PCDHGA5: variants seen among roughly 807,000 people sequenced by gnomAD.
PCDHGA5 encodes the protein protocadherin gamma subfamily A, 5.
Under a neutral mutation model 56.7 loss-of-function variants are expected in PCDHGA5, and 36 were observed. That is an observed-to-expected ratio of 0.64 (90% CI 0.49 to 0.84). PCDHGA5 has a LOEUF of 0.84. Ranked by LOEUF, PCDHGA5 falls within the 40% of genes least tolerant of loss-of-function variation. The pLI is 0.00. For missense variants in PCDHGA5, 1,305 were observed against 1,201.5 expected, an observed-to-expected ratio of 1.09 and a Z score of -1.27; for synonymous variants, 563 against 520.2, an observed-to-expected ratio of 1.08 and a Z score of -1.12.
chr5:141,392,857 T>TGCTGTGC, intron 1 of PCDHGA5: 1 of 1,612,536 alleles, frequency 6.2e-7, no homozygotes, highest in Non-Finnish European at 8.5e-7. Flanking sequence ...GAGCTGATCC[T>TGCTGTGC]GCTGTGCGCG....
rs758181180 is a variant in PCDHGA5 at position 141,485,483 on chromosome 5, G to T, written c.2422-9324G>T. The T allele has an allele frequency of 1.9e-6, 3 of 1,614,106 alleles. No homozygotes were observed. The highest frequency in any genetic ancestry group is 2.5e-6 in the Non-Finnish European group (3 of 1,180,022). ...GTGTGGGCTCAGTGCCAGCTGCATC[G>T]TGCCCCTGGAGTTTGTCACCGAAGG... On this transcript the variant is annotated intron_variant, in intron 1 of 3. Coordinates refer to ENST00000518069, the MANE Select transcript of PCDHGA5 (RefSeq NM_018918.3). The surrounding 1 kb of genome is among the most constrained non-coding windows in gnomAD (Gnocchi z 5.7).
At position 141,476,294 on chromosome 5, in the gene PCDHGA5, A is replaced by T. The variant is rs376905832; in HGVS notation, c.2422-18513A>T. On this transcript the variant is annotated intron_variant, in intron 1 of 3. Coordinates refer to ENST00000518069, the MANE Select transcript of PCDHGA5 (RefSeq NM_018918.3). The surrounding 1 kb of genome is among the most constrained non-coding windows in gnomAD (Gnocchi z 7.6). ...CGCGAACCTTGGTTTGGATCTCGGT[A>T]GCCTCTCAGCCCGCAGGTTCCGGGT... is the stretch of plus-strand genomic sequence containing the variant. 2 of 1,613,036 alleles carry T rather than the reference A, an allele frequency of 1.2e-6. No homozygotes were observed. The highest frequency in any genetic ancestry group is 1.7e-6 in the Non-Finnish European group (2 of 1,179,642).
At chr5:141,449,450 T>C (rs1269861041) in intron 1 of PCDHGA5, among the ~76,000 whole-genome samples, 2 of 151,216 alleles carry the variant, frequency 1.3e-5, no homozygotes, top group Non-Finnish European at 2.9e-5. Context: ...CTACTAAAAA[T>C]ACAAAAATTA....
At chr5:141,510,862 C>T (rs764422869) in intron 3 of PCDHGA5, 85 bp from the exon 4 acceptor site, 22 of 1,606,772 alleles carry the variant, frequency 1.4e-5, no homozygotes, top group Non-Finnish European at 1.7e-5. Flanking sequence ...GCTGTATAGG[C>T]ATTCATTAAC....
Position 141,431,758 on chromosome 5 carries a change from C to T in PCDHGA5, c.2422-63049C>T. Reference sequence around the variant, plus strand: ...CAGGATATTCTGCGCGAGCCAAAGTCCTGATCACTGTTCTGGACGTGAACG... The same window carrying T: ...CAGGATATTCTGCGCGAGCCAAAGTTCTGATCACTGTTCTGGACGTGAACG... On this transcript the variant is annotated intron_variant, in intron 1 of 3. Transcript: ENST00000518069. This position sits in a 1 kb window ranked among gnomAD's most constrained non-coding sequence, Gnocchi z 4.8. 1.9e-6 allele frequency: 3 copies of T among 1,614,172 alleles called. No homozygotes were observed. The highest frequency in any genetic ancestry group is 1.7e-6 in the Non-Finnish European group (2 of 1,180,020).
At chr5:141,464,091 T>G (rs2099075583) in intron 1 of PCDHGA5, among the ~76,000 whole-genome samples, 1 of 151,812 alleles carries the variant, frequency 6.6e-6, no homozygotes, top group African/African-American at 2.4e-5. Flanking sequence ...ATGGTGAAAC[T>G]CCGTCTCTAC....
intron 2 of PCDHGA5, among the ~76,000 whole-genome samples, chr5:141,505,007 C>T (rs1210694913): frequency 6.6e-6 from 1 of 152,050 alleles, no homozygotes; most frequent in Non-Finnish European, 1.5e-5. Flanking sequence ...ACTAAAAATA[C>T]AAAAATTAGC....
chr5:141,461,961 T>C (rs914134151), intron 1 of PCDHGA5, among the ~76,000 whole-genome samples: 3 of 152,192 alleles, frequency 2.0e-5, no homozygotes, highest in African/African-American at 7.2e-5. Context: ...GTAGCTGGGA[T>C]TCCAGGCATA....
chr5:141,413,962 AC>A, intron 1 of PCDHGA5: 1 of 1,613,404 alleles, frequency 6.2e-7, no homozygotes, highest in Non-Finnish European at 8.5e-7. Context: ...GCCTGTGGGC[AC>A]TCAGCTGCTG....
chr5:141,420,465 A>G, intron 1 of PCDHGA5: 1 of 807,604 alleles, frequency 1.2e-6, no homozygotes. Context: ...ATTCAAAGAC[A>G]TTTTAAAGCA....
At chr5:141,415,473 C>T in intron 1 of PCDHGA5, 2 of 1,614,224 alleles carry the variant, frequency 1.2e-6, no homozygotes, top group Non-Finnish European at 1.7e-6. Flanking sequence ...TCACCGCGGA[C>T]TCGCGAAAGA....
chr5:141,377,843 A>C (rs1774391445), intron 1 of PCDHGA5: 1 of 152,166 alleles, frequency 6.6e-6, no homozygotes, highest in Admixed American at 6.5e-5. Flanking sequence ...ATTATCTTCC[A>C]ATTAAAATTA....
At chr5:141,408,513 T>C in intron 1 of PCDHGA5, 2 of 1,614,034 alleles carry the variant, frequency 1.2e-6, no homozygotes, top group East Asian at 4.5e-5. Context: ...AGATGTGAGT[T>C]GCAATTGGAA....
chr5:141,472,079 G>T (rs2099271048), intron 1 of PCDHGA5, among the ~76,000 whole-genome samples: 1 of 152,124 alleles, frequency 6.6e-6, no homozygotes, highest in African/African-American at 2.4e-5. Flanking sequence ...TTATATCAAT[G>T]AGTACTATTA....
rs1562137828 is a variant in PCDHGA5 at position 141,490,359 on chromosome 5, T to C, written c.2422-4448T>C. On this transcript the variant is annotated intron_variant, in intron 1 of 3. Transcript: ENST00000518069. This position sits in a 1 kb window ranked among gnomAD's most constrained non-coding sequence, Gnocchi z 5.4. ...TGGGCACAGTAGTGGGGTTGTTTAA[T>C]GTGCGAGACCGGGACTCAGGTAGAA... The C allele has an allele frequency of 1.9e-6, 3 of 1,614,212 alleles. No individual in the cohort carries two copies. The highest frequency in any genetic ancestry group is 2.5e-6 in the Non-Finnish European group (3 of 1,180,036).
intron 1 of PCDHGA5, among the ~76,000 whole-genome samples, chr5:141,465,347 G>A (rs2099101721): frequency 6.6e-6 from 1 of 151,938 alleles, no homozygotes; most frequent in South Asian, 2.1e-4. Context: ...GGTTACTGAA[G>A]AAAAAATGGG....
chr5:141,375,664 C>A (rs766359955), intron 1 of PCDHGA5: 2 of 1,614,256 alleles, frequency 1.2e-6, no homozygotes, highest in East Asian at 4.5e-5. Context: ...AGTTGAGAGA[C>A]CTACAGCTGT....
At position 141,388,702 on chromosome 5, in the gene PCDHGA5, T is replaced by G. The variant is rs201901866; in HGVS notation, c.2421+21951T>G. 3.2e-3 allele frequency: 5,096 copies of G among 1,613,936 alleles called. 17 individuals are homozygous for G. The highest frequency in any genetic ancestry group is 8.9e-3 in the Middle Eastern group (54 of 6,062). On this transcript the variant is annotated intron_variant, in intron 1 of 3. Coordinates refer to ENST00000518069, the MANE Select transcript of PCDHGA5 (RefSeq NM_018918.3). ...ACTGCCACGGACCAGGATGAGGGTG[T>G]CAATGCCGAGATTACTTTCTCTTTC...
At chr5:141,478,920 C>A (rs559060283) in intron 1 of PCDHGA5, 1 of 728,392 alleles carries the variant, frequency 1.4e-6, no homozygotes. Context: ...ATACCTCTAA[C>A]CAGTGGCAGC....
Sources: allele counts gnomAD v4.1 joint callset (sites outside exome capture counted in the v4.1 genomes callset), GRCh38; gene constraint gnomAD v4.1.1; non-coding constraint Gnocchi (gnomAD v3.1); transcripts MANE v1.5; gene names NCBI Gene and HGNC (gene_info 2026-07-23, HGNC 2026-07-21).